TEAD1: variants seen among roughly 807,000 people sequenced by gnomAD.
TEAD1 encodes the protein transcriptional enhancer factor TEF-1.
In TEAD1, 9 loss-of-function variants were observed where a neutral mutation model predicts 54.9. The ratio of observed to expected loss-of-function variants is 0.16; its 90% CI spans 0.10 to 0.29. The LOEUF (loss-of-function observed/expected upper bound fraction) is 0.29. Ranked by LOEUF, TEAD1 falls within the 10% of genes least tolerant of loss-of-function variation. The pLI, the probability that TEAD1 is intolerant of heterozygous loss-of-function variation, is 1.00. For synonymous variants in TEAD1, 200 were observed against 187.8 expected (o/e 1.07, Z -0.53); for missense variants, 387 against 535.9 (o/e 0.72, Z 2.74).
chr11:12,699,156 A>T (rs1943645098), intron 2 of TEAD1, among the ~76,000 whole-genome samples: 2 of 152,160 alleles, frequency 1.3e-5, no homozygotes, highest in African/African-American at 4.8e-5. Context: ...TTGTCTCATC[A>T]CTGTATCTTT....
At chr11:12,684,916 C>T (rs546446155) in intron 2 of TEAD1, among the ~76,000 whole-genome samples, 1 of 152,274 alleles carries the variant, frequency 6.6e-6, no homozygotes, top group African/African-American at 2.4e-5. Flanking sequence ...TTGTGAATTC[C>T]AGTGCCTAAC....
intron 2 of TEAD1, among the ~76,000 whole-genome samples, chr11:12,692,986 A>C (rs1943494035): frequency 6.6e-6 from 1 of 152,100 alleles, no homozygotes; most frequent in African/African-American, 2.4e-5. Context: ...AAACCCATAA[A>C]GGCTTTTGAA....
At chr11:12,789,087 T>A (rs1945744039) in intron 3 of TEAD1, among the ~76,000 whole-genome samples, 1 of 152,234 alleles carries the variant, frequency 6.6e-6, no homozygotes, top group Non-Finnish European at 1.5e-5. Context: ...CTTACACACA[T>A]AATAAATTGA....
intron 2 of TEAD1, among the ~76,000 whole-genome samples, chr11:12,701,175 T>G (rs1306799547): frequency 6.6e-6 from 1 of 152,222 alleles, no homozygotes; most frequent in Non-Finnish European, 1.5e-5. Context: ...ATTGTGTTCT[T>G]AGAGTCTAAT....
intron 2 of TEAD1, among the ~76,000 whole-genome samples, chr11:12,695,325 A>T (rs1285364279): frequency 6.6e-6 from 1 of 152,230 alleles, no homozygotes. Flanking sequence ...TTTGGAAATC[A>T]CTGTGAAAAT....
At chr11:12,805,682 A>G (rs1433906832) in intron 3 of TEAD1, among the ~76,000 whole-genome samples, 1 of 152,172 alleles carries the variant, frequency 6.6e-6, no homozygotes, top group Admixed American at 6.5e-5. Flanking sequence ...TCATAGTTTT[A>G]AGACAGCCCA....
At chr11:12,860,556 G>A (rs1947479355) in intron 3 of TEAD1, among the ~76,000 whole-genome samples, 2 of 152,206 alleles carry the variant, frequency 1.3e-5, no homozygotes, top group Admixed American at 6.5e-5. Context: ...CTTCATCAGT[G>A]TTTCCAGTTC....
intron 3 of TEAD1, among the ~76,000 whole-genome samples, chr11:12,767,889 C>T (rs1464313704): frequency 1.3e-5 from 2 of 152,032 alleles, no homozygotes; most frequent in Non-Finnish European, 2.9e-5. Flanking sequence ...GACTCTTTTC[C>T]TGGTAGATCA....
At chr11:12,842,274 A>G (rs553012810) in intron 3 of TEAD1, among the ~76,000 whole-genome samples, 5 of 152,144 alleles carry the variant, frequency 3.3e-5, no homozygotes, top group Admixed American at 6.5e-5. Context: ...CTTTTGACCA[A>G]ACCACCGTTA....
chr11:12,814,288 C>T (rs7927346), intron 3 of TEAD1, among the ~76,000 whole-genome samples: 62,640 of 151,990 alleles, frequency 0.41, 13,327 homozygotes, highest in South Asian at 0.61. Flanking sequence ...TCCTGGGCCA[C>T]TGGGGCAGTG....
At chr11:12,758,701 A>C (rs1945040456) in intron 2 of TEAD1, among the ~76,000 whole-genome samples, 1 of 151,716 alleles carries the variant, frequency 6.6e-6, no homozygotes, top group African/African-American at 2.4e-5. Flanking sequence ...GGCGTGGGCC[A>C]CCCTACCTGG....
chr11:12,688,908 G>C (rs949589732), intron 2 of TEAD1, among the ~76,000 whole-genome samples: 1 of 152,058 alleles, frequency 6.6e-6, no homozygotes, highest in African/African-American at 2.4e-5. Flanking sequence ...AGGCTGGTCT[G>C]ACTGGGGGTC....
intron 3 of TEAD1, among the ~76,000 whole-genome samples, chr11:12,799,040 G>C (rs1399031351): frequency 6.6e-6 from 1 of 152,238 alleles, no homozygotes; most frequent in African/African-American, 2.4e-5. Flanking sequence ...CTCAGGTGAA[G>C]TTTGAGATGT....
At chr11:12,861,418 G>T (rs1487139371) in intron 3 of TEAD1, among the ~76,000 whole-genome samples, 1 of 152,126 alleles carries the variant, frequency 6.6e-6, no homozygotes, top group African/African-American at 2.4e-5. Context: ...CCTTTAGGGG[G>T]TGTCTGCCTT....
chr11:12,692,147 T>C (rs1390883551), intron 2 of TEAD1, among the ~76,000 whole-genome samples: 1 of 152,182 alleles, frequency 6.6e-6, no homozygotes, highest in Non-Finnish European at 1.5e-5. Context: ...ATTTTTAGTA[T>C]TATAATTTCT....
At chr11:12,696,209 T>C (rs1380805099) in intron 2 of TEAD1, among the ~76,000 whole-genome samples, 3 of 152,164 alleles carry the variant, frequency 2.0e-5, no homozygotes, top group Non-Finnish European at 1.5e-5. Flanking sequence ...TGTTTTTTTG[T>C]TTTGTTTTTG....
chr11:12,753,585 T>G (rs922331133), intron 2 of TEAD1, among the ~76,000 whole-genome samples: 13 of 152,172 alleles, frequency 8.5e-5, no homozygotes, highest in African/African-American at 3.1e-4. Flanking sequence ...AGCTTTTTAC[T>G]TTTTTTTCTA....
chr11:12,750,600 A>G (rs898598716), intron 2 of TEAD1, among the ~76,000 whole-genome samples: 2 of 152,184 alleles, frequency 1.3e-5, no homozygotes, highest in Non-Finnish European at 2.9e-5. Context: ...AGTTGCTCAC[A>G]CACTCCTGGT....
chr11:12,743,229 A>G (rs924166331), intron 2 of TEAD1, among the ~76,000 whole-genome samples: 3 of 152,254 alleles, frequency 2.0e-5, no homozygotes, highest in African/African-American at 4.8e-5. Flanking sequence ...GGTAGAGATC[A>G]TACTTCTAAA....
Sources: allele counts gnomAD v4.1 joint callset (sites outside exome capture counted in the v4.1 genomes callset), GRCh38; gene constraint gnomAD v4.1.1; transcripts MANE v1.5; gene names NCBI Gene and HGNC (gene_info 2026-07-23, HGNC 2026-07-21).